Variants in GALNT18 observed in about 807,000 individuals in gnomAD.
The protein encoded by GALNT18 is GalNAc-transferase 18.
GALNT18 carries 44 observed loss-of-function variants against 69.5 expected under a neutral mutation model. That is an observed-to-expected ratio of 0.63 (90% CI 0.50 to 0.81). The LOEUF (loss-of-function observed/expected upper bound fraction) is 0.81, where lower values mean the gene tolerates loss of function less well. Ranked by LOEUF, GALNT18 falls within the 40% of genes least tolerant of loss-of-function variation. The pLI is 0.00. For missense variants in GALNT18, 715 were observed against 810.0 expected, an observed-to-expected ratio of 0.88 and a Z score of 1.42; for synonymous variants, 364 against 318.2, an observed-to-expected ratio of 1.14 and a Z score of -1.53.
intron 1 of GALNT18, among the ~76,000 whole-genome samples, chr11:11,490,122 T>C (rs1393273081): frequency 6.6e-6 from 1 of 152,158 alleles, no homozygotes; most frequent in African/African-American, 2.4e-5. Flanking sequence ...AGAAGTTTCA[T>C]TGTTGCAGGA....
chr11:11,385,111 G>A (rs1854016511), intron 3 of GALNT18, among the ~76,000 whole-genome samples: 1 of 152,096 alleles, frequency 6.6e-6, no homozygotes, highest in Non-Finnish European at 1.5e-5. Context: ...ATCACATGGT[G>A]AGCAGGGAGG....
intron 1 of GALNT18, among the ~76,000 whole-genome samples, chr11:11,478,765 C>A (rs953747820): frequency 1.3e-5 from 2 of 151,020 alleles, no homozygotes; most frequent in African/African-American, 4.9e-5. Flanking sequence ...GGAGTTGAAG[C>A]GAGCAGAGCA....
At chr11:11,370,874 T>C (rs1182489060) in intron 6 of GALNT18, among the ~76,000 whole-genome samples, 1 of 152,128 alleles carries the variant, frequency 6.6e-6, no homozygotes, top group Non-Finnish European at 1.5e-5. Context: ...ACTCAGACAA[T>C]TCCTGACAGC....
At chr11:11,580,511 C>A (rs1439602675) in intron 1 of GALNT18, among the ~76,000 whole-genome samples, 3 of 152,224 alleles carry the variant, frequency 2.0e-5, no homozygotes, top group Non-Finnish European at 4.4e-5. Flanking sequence ...TTTTCCAGTG[C>A]AAATGTCTAC....
intron 1 of GALNT18, among the ~76,000 whole-genome samples, chr11:11,533,862 C>T (rs775230381): frequency 6.6e-6 from 1 of 152,190 alleles, no homozygotes; most frequent in Non-Finnish European, 1.5e-5. Flanking sequence ...TGCTTCTAAA[C>T]AAAGGTGACG....
At chr11:11,569,320 G>T (rs1336890781) in intron 1 of GALNT18, among the ~76,000 whole-genome samples, 1 of 151,590 alleles carries the variant, frequency 6.6e-6, no homozygotes, top group Non-Finnish European at 1.5e-5. Flanking sequence ...TCTACTTGTG[G>T]TTTATCTTCT....
chr11:11,438,316 G>T (rs1855456248), intron 2 of GALNT18, among the ~76,000 whole-genome samples: 1 of 152,190 alleles, frequency 6.6e-6, no homozygotes, highest in Non-Finnish European at 1.5e-5. Context: ...GAACAATCAA[G>T]ACTGTCCCTC....
chr11:11,271,863 C>T (rs760886023), intron 10 of GALNT18, among the ~76,000 whole-genome samples: 6 of 152,346 alleles, frequency 3.9e-5, no homozygotes, highest in South Asian at 2.1e-4. Flanking sequence ...GCCATTCATA[C>T]TCAGTTTATG....
At position 11,542,138 on chromosome 11, in the gene GALNT18, A is replaced by T. The variant is rs2133956977; in HGVS notation, c.235+79221T>A. 6.6e-6 allele frequency among the ~76,000 whole-genome samples: 1 copy of T among 152,310 alleles called. No homozygotes were observed. The highest frequency in any genetic ancestry group is 1.5e-5 in the Non-Finnish European group (1 of 68,026). On this transcript the variant is annotated intron_variant, in intron 1 of 10. Transcript: ENST00000227756. This position sits in a 1 kb window ranked among gnomAD's most constrained non-coding sequence, Gnocchi z 4.3. The stretch of plus-strand genomic sequence containing the variant: ...TCCTCACCCACAAGCTAGTGGGTCC[A>T]TCTCAATCACTTAAGCTTATTTACT...
intron 2 of GALNT18, among the ~76,000 whole-genome samples, chr11:11,442,734 A>G (rs1855557929): frequency 6.6e-6 from 1 of 152,052 alleles, no homozygotes; most frequent in Admixed American, 6.5e-5. Context: ...ATTCCCACCT[A>G]GGGCTGCAGA....
At chr11:11,483,335 T>TGAG (rs1353327406) in intron 1 of GALNT18, among the ~76,000 whole-genome samples, 2 of 152,222 alleles carry the variant, frequency 1.3e-5, no homozygotes, top group African/African-American at 4.8e-5. Context: ...GTCTATGCTA[T>TGAG]GACTCTGTCC....
chr11:11,294,030 C>G (rs962542664), intron 9 of GALNT18, among the ~76,000 whole-genome samples: 1 of 152,152 alleles, frequency 6.6e-6, no homozygotes, highest in Non-Finnish European at 1.5e-5. Flanking sequence ...TGGGGAGTCC[C>G]CAAGACCACC....
Position 11,614,915 on chromosome 11 carries a change from T to A in GALNT18, c.235+6444A>T, listed in dbSNP as rs1860009633. On this transcript the variant is annotated intron_variant, in intron 1 of 10. Coordinates refer to ENST00000227756, the MANE Select transcript of GALNT18 (RefSeq NM_198516.3). This position sits in a 1 kb window ranked among gnomAD's most constrained non-coding sequence, Gnocchi z 5.6. ...CACACTTCTGGCTAAAAATGAAGAT[T>A]CTTTGGTCACGGGGAAAAGTTGTGT... is the stretch of plus-strand genomic sequence containing the variant. Among the ~76,000 whole-genome samples the A allele has an allele frequency of 6.6e-6, 1 of 152,236 alleles. No homozygotes were observed. The highest frequency in any genetic ancestry group is 1.5e-5 in the Non-Finnish European group (1 of 68,038).
intron 9 of GALNT18, among the ~76,000 whole-genome samples, chr11:11,325,020 A>G (rs1849895011): frequency 2.6e-5 from 4 of 152,222 alleles, no homozygotes; most frequent in African/African-American, 9.6e-5. Context: ...TACCCAAAGG[A>G]AAAGAAGTCA....
At position 11,332,913 on chromosome 11, in the gene GALNT18, GC is replaced by G; in HGVS notation, c.1279-83del. 6.7e-7 allele frequency: 1 copy of G among 1,499,388 alleles called. No individual in the cohort carries two copies. The highest frequency in any genetic ancestry group is 9.1e-7 in the Non-Finnish European group (1 of 1,092,908). The allele number at this position is 1,499,388 out of a possible 1,614,324, so 92.9% of individuals were successfully genotyped here. A position where few individuals can be genotyped will look rare whatever the true frequency, so the allele number is the denominator to read the frequency against. ...AAACTCTACTTTGGCATGACCTTGT[GC>G]CCCCAACAAGATTCCTAGAGACTGG... On this transcript the variant is annotated intron_variant, in intron 7 of 10. Coordinates refer to ENST00000227756, the MANE Select transcript of GALNT18 (RefSeq NM_198516.3). The surrounding 1 kb of genome is among the most constrained non-coding windows in gnomAD (Gnocchi z 4.3).
chr11:11,561,488 G>C (rs905603627), intron 1 of GALNT18, among the ~76,000 whole-genome samples: 1 of 152,174 alleles, frequency 6.6e-6, no homozygotes, highest in African/African-American at 2.4e-5. Context: ...CTGCAAAATG[G>C]GTATAATAAT....
At chr11:11,288,443 G>C (rs1431092058) in intron 10 of GALNT18, among the ~76,000 whole-genome samples, 2 of 152,122 alleles carry the variant, frequency 1.3e-5, no homozygotes, top group African/African-American at 4.8e-5. Context: ...TGCAGACCAA[G>C]TCGGTCATCC....
intron 9 of GALNT18, among the ~76,000 whole-genome samples, chr11:11,312,723 T>A (rs1849691141): frequency 6.6e-6 from 1 of 152,206 alleles, no homozygotes; most frequent in South Asian, 2.1e-4. Flanking sequence ...CTGGGAATTT[T>A]CAAAGGCTGC....
intron 3 of GALNT18, among the ~76,000 whole-genome samples, chr11:11,431,215 T>C (rs927263888): frequency 3.9e-5 from 6 of 152,170 alleles, no homozygotes; most frequent in African/African-American, 1.4e-4. Context: ...TTTTCATCCT[T>C]GAATGCTGGT....
Sources: allele counts gnomAD v4.1 joint callset (sites outside exome capture counted in the v4.1 genomes callset), GRCh38; gene constraint gnomAD v4.1.1; non-coding constraint Gnocchi (gnomAD v3.1); transcripts MANE v1.5; gene names NCBI Gene and HGNC (gene_info 2026-07-23, HGNC 2026-07-21).